The following COPA variants were observed in gnomAD, a reference collection of about 807,000 sequenced individuals.
COPA encodes coatomer subunit alpha.
Under a neutral mutation model 158.7 loss-of-function variants are expected in COPA, and 10 were observed. The observed-to-expected ratio is 0.06, with a 90% CI of 0.04 to 0.11. COPA has a LOEUF of 0.11. Among genes scored for constraint, COPA ranks in the 10% least tolerant of loss-of-function variants. The pLI, the probability that COPA is intolerant of heterozygous loss-of-function variation, is 1.00. For missense variants in COPA, 1,065 were observed against 1,536.7 expected (o/e 0.69, Z 5.13); for synonymous variants, 462 against 542.8 (o/e 0.85, Z 2.07).
intron 1 of COPA, among the ~76,000 whole-genome samples, chr1:160,341,856 T>C (rs1386661442): frequency 6.6e-6 from 1 of 152,208 alleles, no homozygotes; most frequent in Non-Finnish European, 1.5e-5. Flanking sequence ...CAACAATGGA[T>C]GTTTGCCCTC....
intron 3 of COPA, among the ~76,000 whole-genome samples, chr1:160,336,268 G>T (rs941266191): frequency 1.3e-5 from 2 of 151,242 alleles, no homozygotes; most frequent in Non-Finnish European, 2.9e-5. Flanking sequence ...GGGAGGCGGC[G>T]TTTGCAGTGA....
At chr1:160,299,288 C>T (rs1658518558) in intron 17 of COPA, 24 bp from the exon 18 acceptor site, 2 of 1,586,198 alleles carry the variant, frequency 1.3e-6, no homozygotes, top group Non-Finnish European at 1.7e-6. Flanking sequence ...GCACAGCTTT[C>T]AGTAAGTGAG....
At chr1:160,302,755 C>T (rs1317599509) in intron 17 of COPA, among the ~76,000 whole-genome samples, 4 of 151,762 alleles carry the variant, frequency 2.6e-5, no homozygotes, top group East Asian at 2.0e-4. Context: ...GGGGTTTCAC[C>T]GTGTTAGCCA....
chr1:160,292,079 T>C lies in COPA; in HGVS notation c.3080A>G (p.Glu1027Gly), dbSNP rs769374695. Residue 1027 changes from glutamate to glycine, a missense_variant, in exon 29 of 33, where the codon GAA (glutamate) becomes GGA (glycine). Around this residue, in one of 2 missense-constraint regions of COPA, gnomAD observed 980 missense variants for 1,357.8 expected, o/e 0.72. Transcript: ENST00000241704. ...ACTGAGAAGGATGGAACGGAATTTT[T>C]CCACAGCCTCCTCAAATTTGCCAAC... The part of the protein sequence containing the change: ...TTVGKFEEAV[E>G]KFRSILLSVP... 6.8e-6 allele frequency: 11 copies of C among 1,614,188 alleles called. No individual in the cohort carries two copies. The highest frequency in any genetic ancestry group is 2.2e-5 in the East Asian group (1 of 44,888).
chr1:160,291,751 G>T, intron 30 of COPA, 68 bp downstream of exon 30: 3 of 1,492,734 alleles, frequency 2.0e-6, no homozygotes, highest in Non-Finnish European at 2.8e-6. Flanking sequence ...TGAAATTAAA[G>T]AATTCAAACC....
At position 160,317,060 on chromosome 1, in the gene COPA, G is replaced by A. The variant is rs1013813996; in HGVS notation, c.707-2935C>T. Among the ~76,000 whole-genome samples, 71 of 152,048 alleles carry A rather than the reference G, an allele frequency of 4.7e-4. 1 individual carries two copies. Among genetic ancestry groups the A allele is most frequent in the Non-Finnish European group, 5.9e-5 (4 of 68,028 alleles). Reference sequence around the variant, plus strand: ...AGATGTTTCAATGCAAACCATACAGGCCAAGAGAGAGAGGAATGACATTTT... The same window carrying A: ...AGATGTTTCAATGCAAACCATACAGACCAAGAGAGAGAGGAATGACATTTT... On this transcript the variant is annotated intron_variant, in intron 8 of 32. Transcript: ENST00000241704.
chr1:160,323,592 A>T, intron 7 of COPA, 62 bp from the exon 8 acceptor site: 2 of 1,279,556 alleles, frequency 1.6e-6, no homozygotes, highest in South Asian at 1.4e-5. Flanking sequence ...CAAACCAATG[A>T]ATCAAGCTAC....
chr1:160,313,241 A>T, intron 9 of COPA, 74 bp from the exon 10 acceptor site: 1 of 1,323,940 alleles, frequency 7.6e-7, no homozygotes. Flanking sequence ...AGAATATTAA[A>T]TGGTAAGCCA....
At chr1:160,306,731 A>T (rs1157590301) in intron 14 of COPA, among the ~76,000 whole-genome samples, 1 of 152,206 alleles carries the variant, frequency 6.6e-6, no homozygotes. Context: ...TAAAGTCTGA[A>T]TTTCTCAATG....
In COPA at chr1:160,296,096, T is replaced by G. The variant is rs750280942; in HGVS notation, c.2317A>C (p.Ser773Arg). The G allele has an allele frequency of 1.2e-6, 2 of 1,614,188 alleles. No individual in the cohort carries two copies. The highest frequency in any genetic ancestry group is 1.7e-6 in the Non-Finnish European group (2 of 1,180,016). The change falls in exon 22 of 33, where the codon AGC becomes CGC. Residue 773 changes from serine (S) to arginine (R), a missense_variant. Around this residue, in one of 2 missense-constraint regions of COPA, gnomAD observed 980 missense variants for 1,357.8 expected, o/e 0.72. Transcript: ENST00000241704. ...ATHGLDEEAE[S>R]LKETFDPEKE... ...TCTGGGTCAAATGTCTCCTTTAGGC[T>G]CTCAGCTTCTTCATCTAAGCCATGG...
At position 160,335,221 on chromosome 1, in the gene COPA, AGC is replaced by A. The variant is rs781720810; in HGVS notation, c.309+19_309+20del. The stretch of plus-strand genomic sequence containing the variant: ...GGGAAACTAAGAATGCTCCAAAACT[AGC>A]GCCACCATGACTACTTACATGATGA... On this transcript the variant is annotated intron_variant, in intron 4 of 32. Transcript: ENST00000241704. The A allele has an allele frequency of 6.3e-7, 1 of 1,589,532 alleles. No homozygotes were observed. The highest frequency in any genetic ancestry group is 8.6e-7 in the Non-Finnish European group (1 of 1,168,116).
intron 6 of COPA, among the ~76,000 whole-genome samples, chr1:160,330,673 T>C (rs1647470186): frequency 6.6e-6 from 1 of 152,218 alleles, no homozygotes; most frequent in African/African-American, 2.4e-5. Context: ...CAAGTGCCAT[T>C]ATTGCCCCAG....
In COPA at chr1:160,313,228, A is replaced by G; in HGVS notation, c.843-61T>C. On this transcript the variant is annotated intron_variant, in intron 9 of 32. Transcript: ENST00000241704. ...CCTAGGAATCTTCAGCCCATCCTAC[A>G]CAAGAATATTAAATGGTAAGCCAGC... 1.4e-6 allele frequency: 2 copies of G among 1,449,738 alleles called. 1 individual carries two copies. Among genetic ancestry groups the G allele is most frequent in the Non-Finnish European group, 1.9e-6 (2 of 1,036,928 alleles). The allele number at this position is 1,449,738 out of a possible 1,614,324, so 89.8% of individuals were successfully genotyped here. A position where few individuals can be genotyped will look rare whatever the true frequency, so the allele number is the denominator to read the frequency against.
intron 11 of COPA, chr1:160,310,515 G>C (rs186327293): frequency 3.7e-6 from 1 of 273,314 alleles, no homozygotes; most frequent in African/African-American, 2.2e-5. Context: ...GGTAGGTAGG[G>C]TTAACACTCA....
In COPA at chr1:160,289,346, C is replaced by A. The variant is rs1002858291; in HGVS notation, c.*811G>T. On this transcript the variant is annotated 3_prime_UTR_variant, in exon 33 of 33. Transcript: ENST00000241704. ...ATAGTTGTAAAGAACAAATCAATAA[C>A]CCGCAGTGTGCATTTTGGAAAACCA... The A allele has an allele frequency of 6.6e-6, 1 of 152,098 alleles. No individual in the cohort carries two copies. The highest frequency in any genetic ancestry group is 1.5e-5 in the Non-Finnish European group (1 of 68,028). 9.4% of individuals were successfully genotyped at this position (152,098 alleles called of 1,614,324 possible). A position where few individuals can be genotyped will look rare whatever the true frequency, so the allele number is the denominator to read the frequency against.
intron 10 of COPA, 88 bp downstream of exon 10, chr1:160,312,997 A>G (rs1207427603): frequency 8.4e-7 from 1 of 1,188,864 alleles, no homozygotes; most frequent in South Asian, 1.4e-5. Flanking sequence ...ATCCTACTAT[A>G]CATTTACTAG....
chr1:160,304,356 G>A (rs1440844407), intron 17 of COPA, among the ~76,000 whole-genome samples: 1 of 150,430 alleles, frequency 6.6e-6, no homozygotes, highest in African/African-American at 2.4e-5. Context: ...ATGCAAATTG[G>A]TACAATCACT....
chr1:160,305,783 A>G lies in COPA; in HGVS notation c.1443-10T>C, dbSNP rs1557864742. 1 of 1,608,894 alleles carries G rather than the reference A, an allele frequency of 6.2e-7. No individual in the cohort carries two copies. The highest frequency in any genetic ancestry group is 8.5e-7 in the Non-Finnish European group (1 of 1,175,600). On this transcript the variant is annotated splice_polypyrimidine_tract_variant and intron_variant, in intron 15 of 32. Transcript: ENST00000241704. ...CACAGATGCCAGAGTCCTGAGATAG[A>G]TAGAGATGTGCAAACATGAATGGAT...
At chr1:160,337,163 T>C (rs74123120) in intron 3 of COPA, among the ~76,000 whole-genome samples, 5,014 of 152,286 alleles carry the variant, frequency 0.033, 273 homozygotes, top group African/African-American at 0.11. Context: ...ATATTTCTAG[T>C]TTCAAAATGT....
Sources: allele counts gnomAD v4.1 joint callset (sites outside exome capture counted in the v4.1 genomes callset), GRCh38; gene constraint gnomAD v4.1.1; regional missense constraint gnomAD v4.1.1; transcripts MANE v1.5; gene names NCBI Gene and HGNC (gene_info 2026-07-23, HGNC 2026-07-21).